The following ATAD3C variants were observed in gnomAD, a reference collection of about 807,000 sequenced individuals.
ATAD3C encodes the protein ATPase family AAA domain containing 3C.
In ATAD3C, 38 loss-of-function variants were observed where a neutral mutation model predicts 46.3. The ratio of observed to expected loss-of-function variants is 0.82; its 90% CI spans 0.63 to 1.08. The LOEUF is 1.08. ATAD3C is among the 50% of genes least tolerant of loss of function. The pLI, the probability that ATAD3C is intolerant of heterozygous loss-of-function variation, is 0.00. For missense variants in ATAD3C, 563 were observed against 572.7 expected (o/e 0.98, Z 0.17); for synonymous variants, 220 against 236.4 (o/e 0.93, Z 0.63).
At position 1,466,242 on chromosome 1, in the gene ATAD3C, CAA is replaced by C. The variant is rs1168198351; in HGVS notation, c.1090-2121_1090-2120del. On this transcript the variant is annotated intron_variant, in intron 11 of 11. Coordinates refer to ENST00000378785, the MANE Select transcript of ATAD3C (RefSeq NM_001039211.3). ...GGGCAAGAAGAGCAAACTTCTGTCT[CAA>C]AAAAAAAAAAAAAAAAAAAATGGCT... Among the ~76,000 whole-genome samples, 245 of 67,090 alleles carry C rather than the reference CAA, an allele frequency of 3.7e-3. 1 individual carries two copies. Among genetic ancestry groups the C allele is most frequent in the African/African-American group, 9.7e-3 (205 of 21,156 alleles). The allele number at this position is 67,090 out of a possible 152,430, so 44.0% of individuals were successfully genotyped here.
In ATAD3C at chr1:1,466,627, A is replaced by G. The variant is rs1253267821; in HGVS notation, c.1090-1757A>G. On this transcript the variant is annotated intron_variant, in intron 11 of 11. Coordinates refer to ENST00000378785, the MANE Select transcript of ATAD3C (RefSeq NM_001039211.3). ...TGTGGTTTCCTTCCTCCACTCTGCT[A>G]ATATTGACTGATTTTTGTATGTTGA... Among the ~76,000 whole-genome samples the G allele has an allele frequency of 4.6e-5, 7 of 151,582 alleles. No individual in the cohort carries two copies. In the Admixed American group the frequency reaches 4.6e-4, roughly 10 times the overall value.
rs1356268193 is a variant in ATAD3C at position 1,468,274 on chromosome 1, G to T, written c.1090-110G>T. ...GCGGGTAGCCTGTGTTTCACGCTCAGGCCATCCTGGAGCCCCTGGTTTGGT... is the reference window on the plus strand; with the variant it reads ...GCGGGTAGCCTGTGTTTCACGCTCATGCCATCCTGGAGCCCCTGGTTTGGT... On this transcript the variant is annotated intron_variant, in intron 11 of 11. Coordinates refer to ENST00000378785, the MANE Select transcript of ATAD3C (RefSeq NM_001039211.3). 7.2e-5 allele frequency: 105 copies of T among 1,457,162 alleles called. No homozygotes were observed. In the East Asian group the frequency reaches 1.5e-3, roughly 21 times the overall value. The allele number at this position is 1,457,162 out of a possible 1,614,324, so 90.3% of individuals were successfully genotyped here.
intron 4 of ATAD3C, among the ~76,000 whole-genome samples, chr1:1,454,865 C>T (rs1360354275): frequency 2.0e-5 from 3 of 151,880 alleles, no homozygotes; most frequent in Non-Finnish European, 4.4e-5. Context: ...CCCCAAGGTG[C>T]CTGCTCTCCA....
At position 1,459,901 on chromosome 1, in the gene ATAD3C, C is replaced by T. The variant is rs36013574; in HGVS notation, c.812+670C>T. Reference sequence around the variant, plus strand: ...ACATGGAGGATCAAGTCCTGCTGGTCGGCCGTGGCTGACTCCTCAGGCACG... The same window carrying T: ...ACATGGAGGATCAAGTCCTGCTGGTTGGCCGTGGCTGACTCCTCAGGCACG... On this transcript the variant is annotated intron_variant, in intron 9 of 11. Coordinates refer to ENST00000378785, the MANE Select transcript of ATAD3C (RefSeq NM_001039211.3). This position sits in a 1 kb window ranked among gnomAD's most constrained non-coding sequence, Gnocchi z 4.9. 0.025 allele frequency among the ~76,000 whole-genome samples: 3,828 copies of T among 152,002 alleles called. 176 individuals carry two copies. Among genetic ancestry groups the T allele is most frequent in the African/African-American group, 0.087 (3,622 of 41,450 alleles).
intron 3 of ATAD3C, among the ~76,000 whole-genome samples, chr1:1,453,749 C>G (rs542241710): frequency 6.6e-6 from 1 of 151,828 alleles, no homozygotes; most frequent in East Asian, 1.9e-4. Flanking sequence ...AAGTGATTCT[C>G]CTGCCTCAGC....
At chr1:1,453,846 G>T (rs983654046) in intron 3 of ATAD3C, among the ~76,000 whole-genome samples, 4 of 151,652 alleles carry the variant, frequency 2.6e-5, no homozygotes, top group Non-Finnish European at 2.9e-5. Context: ...TCTCCATGTG[G>T]GTTAGGCTGG....
At chr1:1,465,710 A>G (rs1639133646) in intron 11 of ATAD3C, among the ~76,000 whole-genome samples, 1 of 151,130 alleles carries the variant, frequency 6.6e-6, no homozygotes, top group African/African-American at 2.4e-5. Context: ...TTTTTCCAAT[A>G]TGGATTCTAG....
intron 11 of ATAD3C, among the ~76,000 whole-genome samples, chr1:1,466,871 G>A (rs949097207): frequency 2.0e-5 from 3 of 151,976 alleles, no homozygotes; most frequent in Admixed American, 6.6e-5. Context: ...GGTAATGCTG[G>A]CCTCTTAGGA....
rs1486318429 is a variant in ATAD3C, at chr1:1,469,132, A to G, written c.*602A>G. On this transcript the variant is annotated 3_prime_UTR_variant, in exon 12 of 12. Coordinates refer to ENST00000378785, the MANE Select transcript of ATAD3C (RefSeq NM_001039211.3). ...AAAAAAAAAAAAAAAAAAAAAAAAA[A>G]AAAATTAGCCGGCCGTGGTGGCAAG... The G allele has an allele frequency of 7.0e-6, 1 of 142,400 alleles. No homozygotes were observed. Among genetic ancestry groups the G allele is most frequent in the African/African-American group, 2.8e-5 (1 of 35,984 alleles). 8.8% of individuals were successfully genotyped at this position (142,400 alleles called of 1,614,324 possible). A position where few individuals can be genotyped will look rare whatever the true frequency, so the allele number is the denominator to read the frequency against.
intron 10 of ATAD3C, 101 bp downstream of exon 10, chr1:1,461,018 TG>T: frequency 7.2e-7 from 1 of 1,380,296 alleles, no homozygotes; most frequent in South Asian, 1.6e-5. Context: ...GTCTCCAGGA[TG>T]GGCACCACCT....
intron 8 of ATAD3C, among the ~76,000 whole-genome samples, chr1:1,457,622 A>C (rs1278707000): frequency 3.3e-5 from 5 of 150,340 alleles, no homozygotes; most frequent in Admixed American, 2.7e-4. Flanking sequence ...AAACAAAAAA[A>C]ACAGCATTTT....
At chr1:1,454,821 G>C (rs1638926184) in intron 4 of ATAD3C, among the ~76,000 whole-genome samples, 1 of 151,856 alleles carries the variant, frequency 6.6e-6, no homozygotes, top group Admixed American at 6.6e-5. Context: ...ACAGTGTCTG[G>C]CGGCCTCCCT....
intron 9 of ATAD3C, among the ~76,000 whole-genome samples, chr1:1,460,234 G>A (rs1316220115): frequency 2.0e-5 from 3 of 151,842 alleles, no homozygotes; most frequent in South Asian, 2.1e-4. Context: ...CACCACACCC[G>A]GCTGATTTTT....
At position 1,452,441 on chromosome 1, in the gene ATAD3C, A is replaced by G. The variant is rs375847907; in HGVS notation, c.222+7A>G. On this transcript the variant is annotated splice_region_variant and intron_variant, in intron 3 of 11. Coordinates refer to ENST00000378785, the MANE Select transcript of ATAD3C (RefSeq NM_001039211.3). ...GGACAAAGTGACAGCCACGGTAAACATACTCATAAAACAGGGCTGGCAGGT... is the reference window on the plus strand; with the variant it reads ...GGACAAAGTGACAGCCACGGTAAACGTACTCATAAAACAGGGCTGGCAGGT... The G allele has an allele frequency of 4.3e-6, 7 of 1,613,534 alleles. No homozygotes were observed. Among genetic ancestry groups the G allele is most frequent in the Non-Finnish European group, 5.9e-6 (7 of 1,179,716 alleles).
chr1:1,451,910 G>T, intron 1 of ATAD3C, 136 bp from the exon 2 acceptor site: 1 of 1,402,222 alleles, frequency 7.1e-7, no homozygotes. Flanking sequence ...CTGTGTCAGG[G>T]TGCGGCGTCT....
rs974500950 is a variant in ATAD3C, at chr1:1,450,492, A to G, written c.-192A>G. 1.1e-5 allele frequency: 8 copies of G among 703,040 alleles called. No homozygotes were observed. The Admixed American group carries it at 1.5e-4, about 13-fold the overall frequency. The allele number at this position is 703,040 out of a possible 1,614,324, so 43.6% of individuals were successfully genotyped here. ...GGGCATAAAACCTCACAAATGCATCAGGCCGTGTGCTGGGGATGGGGCATC... is the reference window on the plus strand; with the variant it reads ...GGGCATAAAACCTCACAAATGCATCGGGCCGTGTGCTGGGGATGGGGCATC... On this transcript the variant is annotated 5_prime_UTR_variant, in exon 1 of 12. Coordinates refer to ENST00000378785, the MANE Select transcript of ATAD3C (RefSeq NM_001039211.3).
At chr1:1,467,406 C>T (rs1469373667) in intron 11 of ATAD3C, among the ~76,000 whole-genome samples, 7 of 152,010 alleles carry the variant, frequency 4.6e-5, no homozygotes, top group African/African-American at 9.6e-5. Context: ...CCTGCGCTCC[C>T]GGGCCCCCGA....
In ATAD3C at chr1:1,462,792, C is replaced by A; in HGVS notation, c.1089+84C>A. ...GGTTGCGCCAGGCCTGTCCCAGCAC[C>A]GGTGTCACGTGGGAGCTTCTGTTGA... On this transcript the variant is annotated intron_variant, in intron 11 of 11. Transcript: ENST00000378785. The surrounding 1 kb of genome is among the most constrained non-coding windows in gnomAD (Gnocchi z 4.5). 5 of 1,452,358 alleles carry A rather than the reference C, an allele frequency of 3.4e-6. No homozygotes were observed. In the South Asian group the frequency reaches 5.0e-5, roughly 15 times the overall value. 90.0% of individuals were successfully genotyped at this position (1,452,358 alleles called of 1,614,324 possible).
intron 9 of ATAD3C, among the ~76,000 whole-genome samples, chr1:1,460,069 A>ATTT (rs746685483): frequency 8.0e-6 from 1 of 124,274 alleles, no homozygotes; most frequent in East Asian, 2.4e-4. Flanking sequence ...GCGTGGCAGT[A>ATTT]TTTTTTTTTT....
Sources: gnomAD v4.1 joint callset for allele counts (sites outside exome capture counted in the v4.1 genomes callset) on GRCh38, gnomAD v4.1.1 for gene constraint, Gnocchi (gnomAD v3.1) non-coding constraint, MANE v1.5 for transcripts, NCBI Gene and HGNC (gene_info 2026-07-23, HGNC 2026-07-21) for gene names.